Variants in MOB3B observed in about 807,000 individuals in gnomAD.
MOB3B encodes the protein MOB kinase activator 3B.
In MOB3B, 7 loss-of-function variants were observed where a neutral mutation model predicts 18.7. The observed-to-expected ratio is 0.37, with a 90% CI of 0.21 to 0.70. MOB3B has a LOEUF of 0.70. Among genes scored for constraint, MOB3B ranks in the 30% least tolerant of loss-of-function variants. The pLI, the probability that MOB3B is intolerant of heterozygous loss-of-function variation, is 0.52. For synonymous variants in MOB3B, 111 were observed against 99.9 expected (o/e 1.11, Z -0.66); for missense variants, 253 against 281.3 (o/e 0.90, Z 0.72).
At chr9:27,415,609 T>C (rs1236463261) in intron 2 of MOB3B, among the ~76,000 whole-genome samples, 1 of 152,234 alleles carries the variant, frequency 6.6e-6, no homozygotes, top group African/African-American at 2.4e-5. Context: ...GGCACTTACA[T>C]TTTATATCAG....
chr9:27,334,646 G>C (rs1820836514), intron 3 of MOB3B, among the ~76,000 whole-genome samples: 1 of 152,150 alleles, frequency 6.6e-6, no homozygotes. Flanking sequence ...TCTAACCTCA[G>C]TGTACCCATT....
intron 3 of MOB3B, among the ~76,000 whole-genome samples, chr9:27,339,403 A>G (rs1267272495): frequency 6.6e-6 from 1 of 152,248 alleles, no homozygotes; most frequent in African/African-American, 2.4e-5. Flanking sequence ...GAAGTGAACG[A>G]ATGAATGAAT....
chr9:27,498,079 T>C (rs1819927052), intron 1 of MOB3B, among the ~76,000 whole-genome samples: 1 of 152,164 alleles, frequency 6.6e-6, no homozygotes, highest in African/African-American at 2.4e-5. Flanking sequence ...TCCCCCTCCC[T>C]GCACTGTCAC....
At position 27,433,636 on chromosome 9, in the gene MOB3B, C is replaced by T. The variant is rs1229037731; in HGVS notation, c.418+21497G>A. On this transcript the variant is annotated intron_variant, in intron 2 of 3. Coordinates refer to ENST00000262244, the MANE Select transcript of MOB3B (RefSeq NM_024761.5). ...CAGTTAATCAAATCTGAAAAAATTC[C>T]TGGAAGAGAAGCAGCGAAGGGAGGT... Among the ~76,000 whole-genome samples the T allele has an allele frequency of 2.6e-5, 4 of 152,244 alleles. No individual in the cohort carries two copies. The East Asian group carries it at 7.7e-4, about 29-fold the overall frequency.
intron 2 of MOB3B, among the ~76,000 whole-genome samples, chr9:27,452,385 T>A (rs529568350): frequency 2.1e-4 from 32 of 152,134 alleles, no homozygotes; most frequent in Non-Finnish European, 3.7e-4. Context: ...ACATGAGAAT[T>A]CACTAGACAG....
chr9:27,330,597 ATCCTGCTCG>A lies in MOB3B; in HGVS notation c.632_640del (p.Thr211_Arg213del). The A allele has an allele frequency of 6.2e-7, 1 of 1,614,094 alleles. No individual in the cohort carries two copies. The highest frequency in any genetic ancestry group is 8.5e-7 in the Non-Finnish European group (1 of 1,179,996). On this transcript the variant is annotated inframe_deletion, in exon 4 of 4. Transcript: ENST00000262244. ...GGGTGAGGTGGAGCATTAGTGACAC[ATCCTGCTCG>A]TCATTTCTTTCTGGAAAGCAAGGGG...
chr9:27,385,694 G>C (rs925243046), intron 2 of MOB3B, among the ~76,000 whole-genome samples: 1 of 152,242 alleles, frequency 6.6e-6, no homozygotes, highest in Non-Finnish European at 1.5e-5. Flanking sequence ...CATGCAAAGA[G>C]AGATGCCAAT....
intron 1 of MOB3B, among the ~76,000 whole-genome samples, chr9:27,489,434 T>C (rs937358148): frequency 3.3e-5 from 5 of 152,202 alleles, no homozygotes; most frequent in Non-Finnish European, 5.9e-5. Flanking sequence ...AAAACAAGTA[T>C]GGTGGGAGTT....
At position 27,359,086 on chromosome 9, in the gene MOB3B, T is replaced by C; in HGVS notation, c.569A>G (p.Tyr190Cys). 1 of 1,614,076 alleles carries C rather than the reference T, an allele frequency of 6.2e-7. No individual in the cohort carries two copies. The highest frequency in any genetic ancestry group is 8.5e-7 in the Non-Finnish European group (1 of 1,180,034). Residue 190 changes from tyrosine (Y) to cysteine (C), a missense_variant, in exon 3 of 4, where the codon TAT (tyrosine) becomes TGT (cysteine). Coordinates refer to ENST00000262244, the MANE Select transcript of MOB3B (RefSeq NM_024761.5). ...GAGGTTCATCTCTGTGACAAAGTAA[T>C]AGAAGTGTTTGTAGCAGGTGTTGAC... ...AHVNTCYKHF[Y>C]YFVTEMNLID...
intron 2 of MOB3B, among the ~76,000 whole-genome samples, chr9:27,415,921 T>TTTAG (rs1822139900): frequency 6.6e-6 from 1 of 152,216 alleles, no homozygotes; most frequent in South Asian, 2.1e-4. Context: ...CGTGTATTTA[T>TTTAG]TTAGTTAGTT....
At chr9:27,472,351 A>G (rs2131468120) in intron 1 of MOB3B, among the ~76,000 whole-genome samples, 1 of 152,096 alleles carries the variant, frequency 6.6e-6, no homozygotes, top group East Asian at 1.9e-4. Context: ...TGTACTCCTC[A>G]AGCAAAGCCA....
intron 2 of MOB3B, among the ~76,000 whole-genome samples, chr9:27,389,221 T>C (rs915643292): frequency 4.6e-5 from 7 of 152,272 alleles, no homozygotes; most frequent in African/African-American, 1.7e-4. Context: ...CACCCCAAAC[T>C]TACTGGATCA....
chr9:27,449,197 T>G (rs761192101), intron 2 of MOB3B, among the ~76,000 whole-genome samples: 13 of 152,216 alleles, frequency 8.5e-5, no homozygotes, highest in Non-Finnish European at 1.9e-4. Flanking sequence ...TTTATAACCC[T>G]CATCACAGAG....
In MOB3B at chr9:27,486,811, G is replaced by T. The variant is rs141005210; in HGVS notation, c.-198-31063C>A. ...AACAGGACTTGGCCATGTATAAAGT[G>T]GAAAGACTCAAGGCAGCTTAAGAAT... On this transcript the variant is annotated intron_variant, in intron 1 of 3. Coordinates refer to ENST00000262244, the MANE Select transcript of MOB3B (RefSeq NM_024761.5). Among the ~76,000 whole-genome samples, 27 of 152,290 alleles carry T rather than the reference G, an allele frequency of 1.8e-4. No individual in the cohort carries two copies. The East Asian group carries it at 5.0e-3, about 28-fold the overall frequency.
chr9:27,341,959 T>G (rs948987891), intron 3 of MOB3B, among the ~76,000 whole-genome samples: 3 of 152,228 alleles, frequency 2.0e-5, no homozygotes, highest in Non-Finnish European at 4.4e-5. Flanking sequence ...TAAGAGTGGT[T>G]TTTACATTTT....
At chr9:27,520,237 A>G (rs956096102) in intron 1 of MOB3B, among the ~76,000 whole-genome samples, 1 of 152,194 alleles carries the variant, frequency 6.6e-6, no homozygotes, top group Non-Finnish European at 1.5e-5. Context: ...CTTGTCCATT[A>G]CAGTTAATCT....
intron 2 of MOB3B, among the ~76,000 whole-genome samples, chr9:27,368,377 C>CACACAT (rs1821368107): frequency 6.6e-6 from 1 of 151,650 alleles, no homozygotes; most frequent in Non-Finnish European, 1.5e-5. Context: ...CACACACACA[C>CACACAT]ACACACACAT....
At chr9:27,407,999 C>G (rs780709434) in intron 2 of MOB3B, among the ~76,000 whole-genome samples, 2 of 152,106 alleles carry the variant, frequency 1.3e-5, no homozygotes, top group African/African-American at 2.4e-5. Context: ...TCCTCACAGG[C>G]CTTTCTATCT....
intron 1 of MOB3B, among the ~76,000 whole-genome samples, chr9:27,500,575 T>A (rs946375409): frequency 6.6e-6 from 1 of 152,188 alleles, no homozygotes; most frequent in East Asian, 1.9e-4. Context: ...ATCCCTTCCT[T>A]ACACCTTATA....
Sources: allele counts gnomAD v4.1 joint callset (sites outside exome capture counted in the v4.1 genomes callset), GRCh38; gene constraint gnomAD v4.1.1; transcripts MANE v1.5; gene names NCBI Gene and HGNC (gene_info 2026-07-23, HGNC 2026-07-21).